Variants in MAP3K7 observed in about 807,000 individuals in gnomAD.
MAP3K7 encodes the protein TGF-beta activated kinase 1.
In MAP3K7, 21 loss-of-function variants were observed where a neutral mutation model predicts 84.8. The observed-to-expected ratio is 0.25, with a 90% CI of 0.18 to 0.36. MAP3K7 has a LOEUF of 0.36. MAP3K7 is among the 10% of genes least tolerant of loss of function. MAP3K7 has a pLI of 1.00. For synonymous variants in MAP3K7, 241 were observed against 247.7 expected, an observed-to-expected ratio of 0.97 and a Z score of 0.25; for missense variants, 503 against 747.7, an observed-to-expected ratio of 0.67 and a Z score of 3.82.
chr6:90,545,671 T>C (rs1461972528), intron 11 of MAP3K7, among the ~76,000 whole-genome samples: 3 of 152,140 alleles, frequency 2.0e-5, no homozygotes, highest in South Asian at 2.1e-4. Context: ...CTCAACTTGA[T>C]AGTTTCTGAA....
At chr6:90,548,855 T>G (rs1363166521) in intron 9 of MAP3K7, among the ~76,000 whole-genome samples, 1 of 150,762 alleles carries the variant, frequency 6.6e-6, no homozygotes, top group Non-Finnish European at 1.5e-5. Context: ...AGTAATGAAT[T>G]AGGTCAAGTG....
At chr6:90,518,835 A>T (rs1169920379) in intron 15 of MAP3K7, among the ~76,000 whole-genome samples, 1 of 151,802 alleles carries the variant, frequency 6.6e-6, no homozygotes, top group Non-Finnish European at 1.5e-5. Flanking sequence ...GGCTGCAAAC[A>T]GGCTCAAACT....
chr6:90,585,299 T>C lies in MAP3K7; in HGVS notation c.120+1465A>G, dbSNP rs147669366. ...AAATGAGGATATTCTCAATAATCTC[T>C]AAAGTTACTTTATGTGATAAAACAT... On this transcript the variant is annotated intron_variant, in intron 1 of 16. Coordinates refer to ENST00000369329, the MANE Select transcript of MAP3K7 (RefSeq NM_145331.3). 2.0e-5 allele frequency among the ~76,000 whole-genome samples: 3 copies of C among 152,282 alleles called. No individual in the cohort carries two copies. The East Asian group carries it at 5.8e-4, about 29-fold the overall frequency.
At chr6:90,519,726 C>T (rs205342) in intron 14 of MAP3K7, among the ~76,000 whole-genome samples, 106,468 of 151,708 alleles carry the variant, frequency 0.7, 37,681 homozygotes, top group Middle Eastern at 0.79. Flanking sequence ...ATATCAACTC[C>T]GCTAATATCA....
chr6:90,515,271 A>G lies in MAP3K7; in HGVS notation c.*1230T>C, dbSNP rs1275710773. The G allele has an allele frequency of 6.6e-6, 1 of 152,008 alleles. No individual in the cohort carries two copies. The highest frequency in any genetic ancestry group is 2.4e-5 in the African/African-American group (1 of 41,434). 9.4% of individuals were successfully genotyped at this position (152,008 alleles called of 1,614,324 possible). A position where few individuals can be genotyped will look rare whatever the true frequency, so the allele number is the denominator to read the frequency against. ...TCAAAATGTGACTTATTTTAACACC[A>G]ACTGAAAAAATATAGAGTTTGTATA... On this transcript the variant is annotated 3_prime_UTR_variant, in exon 17 of 17. Transcript: ENST00000369329.
intron 15 of MAP3K7, 21 bp downstream of exon 15, chr6:90,519,237 A>T (rs1775069188): frequency 1.3e-6 from 2 of 1,550,102 alleles, no homozygotes; most frequent in South Asian, 2.3e-5. Context: ...GTCAACTTTC[A>T]ATAAGAAAGT....
intron 12 of MAP3K7, among the ~76,000 whole-genome samples, chr6:90,544,138 GA>G (rs1200058551): frequency 2.0e-5 from 3 of 152,110 alleles, no homozygotes; most frequent in African/African-American, 7.2e-5. Context: ...GGTTAGGACA[GA>G]AAGTCTAGAG....
At chr6:90,586,657 G>A (rs371387111) in intron 1 of MAP3K7, 107 bp downstream of exon 1, 57 of 1,441,638 alleles carry the variant, frequency 4.0e-5, no homozygotes, top group East Asian at 2.6e-4. Context: ...ACCCCGCAGG[G>A]TCCCGCGAAT....
intron 5 of MAP3K7, among the ~76,000 whole-genome samples, chr6:90,558,776 T>C (rs143548631): frequency 3.9e-4 from 60 of 152,358 alleles, no homozygotes; most frequent in African/African-American, 6.7e-4. Flanking sequence ...TTGTAAGATA[T>C]TTCTCCATAT....
intron 1 of MAP3K7, among the ~76,000 whole-genome samples, chr6:90,573,061 A>G (rs2051573075): frequency 1.3e-5 from 2 of 152,184 alleles, no homozygotes. Context: ...TATATACATT[A>G]CCTCATTTAC....
intron 3 of MAP3K7, among the ~76,000 whole-genome samples, chr6:90,563,623 G>A (rs1776598029): frequency 6.6e-6 from 1 of 152,190 alleles, no homozygotes; most frequent in South Asian, 2.1e-4. Context: ...TGGAGAGAAT[G>A]GAACCAAGTT....
chr6:90,575,952 C>T (rs1011756791), intron 1 of MAP3K7, among the ~76,000 whole-genome samples: 5 of 151,766 alleles, frequency 3.3e-5, no homozygotes, highest in African/African-American at 4.8e-5. Context: ...TACTTTCTAG[C>T]GTATGTGAAG....
intron 1 of MAP3K7, among the ~76,000 whole-genome samples, chr6:90,581,369 G>T (rs1283510874): frequency 6.6e-6 from 1 of 152,048 alleles, no homozygotes. Context: ...GCATTGTTCT[G>T]GCTGGAAATG....
At chr6:90,547,996 A>G (rs1312078148) in intron 10 of MAP3K7, 51 bp downstream of exon 10, 1 of 1,494,014 alleles carries the variant, frequency 6.7e-7, no homozygotes, top group Non-Finnish European at 9.1e-7. Flanking sequence ...TTAGTATAAT[A>G]TTGTGACTAC....
intron 16 of MAP3K7, among the ~76,000 whole-genome samples, chr6:90,517,399 A>G (rs980942340): frequency 1.3e-5 from 2 of 151,834 alleles, no homozygotes; most frequent in Non-Finnish European, 3.0e-5. Flanking sequence ...CTCAAGCAAA[A>G]TAACTAACTA....
intron 5 of MAP3K7, 76 bp from the exon 6 acceptor site, chr6:90,556,700 G>T: frequency 7.0e-7 from 1 of 1,431,190 alleles, no homozygotes; most frequent in Non-Finnish European, 9.4e-7. Context: ...AGAGACATTT[G>T]TGGAAATGGA....
At chr6:90,521,443 C>A (rs1775147945) in intron 14 of MAP3K7, among the ~76,000 whole-genome samples, 1 of 152,018 alleles carries the variant, frequency 6.6e-6, no homozygotes, top group Non-Finnish European at 1.5e-5. Context: ...TGGAATGCTG[C>A]CTTCTCCTTT....
Position 90,514,411 on chromosome 6 carries a change from G to A in MAP3K7, c.*2090C>T, listed in dbSNP as rs1263890778. The A allele has an allele frequency of 6.6e-6, 1 of 151,918 alleles. No individual in the cohort carries two copies. Among genetic ancestry groups the A allele is most frequent in the Non-Finnish European group, 1.5e-5 (1 of 67,940 alleles). 9.4% of individuals were successfully genotyped at this position (151,918 alleles called of 1,614,324 possible). A position where few individuals can be genotyped will look rare whatever the true frequency, so the allele number is the denominator to read the frequency against. The stretch of plus-strand genomic sequence containing the variant: ...GCAACTACAGTACTGAAAATCTCAA[G>A]GAACTTACTGTAAACAAACAAGCAA... On this transcript the variant is annotated 3_prime_UTR_variant, in exon 17 of 17. Transcript: ENST00000369329.
At chr6:90,543,282 T>C (rs1775909172) in intron 12 of MAP3K7, among the ~76,000 whole-genome samples, 1 of 152,058 alleles carries the variant, frequency 6.6e-6, no homozygotes, top group Non-Finnish European at 1.5e-5. Context: ...ATAGTAATGA[T>C]GTTGTAAAAT....
Sources: allele counts gnomAD v4.1 joint callset (sites outside exome capture counted in the v4.1 genomes callset), GRCh38; gene constraint gnomAD v4.1.1; transcripts MANE v1.5; gene names NCBI Gene and HGNC (gene_info 2026-07-23, HGNC 2026-07-21).